The following SPARCL1 variants were observed in gnomAD, a reference collection of about 807,000 sequenced individuals.
SPARCL1 encodes the protein SPARC like 1.
Under a neutral mutation model 67.1 loss-of-function variants are expected in SPARCL1, and 52 were observed. That is an observed-to-expected ratio of 0.78 (90% CI 0.62 to 0.98). The LOEUF (loss-of-function observed/expected upper bound fraction) is 0.98, where lower values mean the gene tolerates loss of function less well. SPARCL1 is among the 50% of genes least tolerant of loss of function. The pLI, the probability that SPARCL1 is intolerant of heterozygous loss-of-function variation, is 0.00. For missense variants in SPARCL1, 717 were observed against 782.4 expected, an observed-to-expected ratio of 0.92 and a Z score of 1.00; for synonymous variants, 226 against 267.8, an observed-to-expected ratio of 0.84 and a Z score of 1.52.
At position 87,490,759 on chromosome 4, in the gene SPARCL1, C is replaced by T. The variant is rs1690468417; in HGVS notation, c.1410+1G>A. 7 of 1,582,344 alleles carry T rather than the reference C, an allele frequency of 4.4e-6. No individual in the cohort carries two copies. The highest frequency in any genetic ancestry group is 1.8e-5 in the Admixed American group (1 of 56,926). ...TAAAGACTATTTTGCAGAATACTTA[C>T]TTGATCAAGGGGTTTTGTTGGAGGA... is the stretch of plus-strand genomic sequence containing the variant. On this transcript the variant is annotated splice_donor_variant, in intron 6 of 10. Coordinates refer to ENST00000282470, the MANE Select transcript of SPARCL1 (RefSeq NM_004684.6). LOFTEE classifies it high-confidence loss of function.
At chr4:87,487,642 C>T (rs980847406) in intron 7 of SPARCL1, among the ~76,000 whole-genome samples, 9 of 152,198 alleles carry the variant, frequency 5.9e-5, no homozygotes, top group Non-Finnish European at 1.3e-4. Flanking sequence ...GTTGGTCTGT[C>T]TTGCTAGGTT....
chr4:87,526,104 T>C (rs1053761541), intron 1 of SPARCL1, among the ~76,000 whole-genome samples: 14 of 152,168 alleles, frequency 9.2e-5, no homozygotes, highest in African/African-American at 2.9e-4. Flanking sequence ...TAAAACAGAA[T>C]TGACAGCAAA....
intron 7 of SPARCL1, among the ~76,000 whole-genome samples, chr4:87,485,020 A>C (rs1398748028): frequency 6.6e-6 from 1 of 151,908 alleles, no homozygotes; most frequent in African/African-American, 2.4e-5. Flanking sequence ...AACAGGGACA[A>C]TTTGACTTCC....
intron 1 of SPARCL1, among the ~76,000 whole-genome samples, chr4:87,519,367 C>T (rs1343708089): frequency 6.6e-6 from 1 of 152,010 alleles, no homozygotes; most frequent in African/African-American, 2.4e-5. Context: ...CCATTGTGTC[C>T]GGCCTGGGTC....
At position 87,490,894 on chromosome 4, in the gene SPARCL1, G is replaced by A; in HGVS notation, c.1292-16C>T. On this transcript the variant is annotated splice_polypyrimidine_tract_variant and intron_variant, in intron 5 of 10. Transcript: ENST00000282470. ...ATGCAAGAATCTAACAGAAAAGATT[G>A]GGCAGGAAGCATGGACAAAGTTAAA... The A allele has an allele frequency of 2.1e-6, 3 of 1,435,364 alleles. No homozygotes were observed. Among genetic ancestry groups the A allele is most frequent in the Non-Finnish European group, 2.9e-6 (3 of 1,039,812 alleles). 88.9% of individuals were successfully genotyped at this position (1,435,364 alleles called of 1,614,324 possible).
Position 87,491,616 on chromosome 4 carries a change from ACC to A in SPARCL1, c.1291_1291+1del. On this transcript the variant is annotated splice_donor_variant and coding_sequence_variant, in exon 5 of 11. Transcript: ENST00000282470. LOFTEE classifies it high-confidence loss of function. ...CAAACAGCTTGCTTCATGCATACTC[ACC>A]CACAGCATGCACCCTCATGTTGCCT... 4 of 1,607,864 alleles carry A rather than the reference ACC, an allele frequency of 2.5e-6. No homozygotes were observed. Among genetic ancestry groups the A allele is most frequent in the Non-Finnish European group, 3.4e-6 (4 of 1,174,504 alleles).
At chr4:87,506,161 T>C (rs1044624358) in intron 1 of SPARCL1, among the ~76,000 whole-genome samples, 8 of 152,154 alleles carry the variant, frequency 5.3e-5, no homozygotes, top group African/African-American at 1.9e-4. Flanking sequence ...GAACCATTGG[T>C]TTAGCGGAAG....
intron 1 of SPARCL1, among the ~76,000 whole-genome samples, chr4:87,507,155 A>G (rs571016535): frequency 6.6e-6 from 1 of 152,312 alleles, no homozygotes; most frequent in Non-Finnish European, 1.5e-5. Flanking sequence ...TATTTCCGAC[A>G]TTCATCACAC....
At chr4:87,501,721 A>G (rs1433771849) in intron 1 of SPARCL1, among the ~76,000 whole-genome samples, 1 of 152,100 alleles carries the variant, frequency 6.6e-6, no homozygotes, top group Non-Finnish European at 1.5e-5. Flanking sequence ...CATTTAGTTT[A>G]GGAACTCATT....
At chr4:87,476,313 A>T (rs543137265) in intron 10 of SPARCL1, among the ~76,000 whole-genome samples, 1 of 152,202 alleles carries the variant, frequency 6.6e-6, no homozygotes, top group South Asian at 2.1e-4. Flanking sequence ...CACATGCTAT[A>T]TATTTGAGTA....
At chr4:87,523,274 AT>A (rs1368287592) in intron 1 of SPARCL1, among the ~76,000 whole-genome samples, 3 of 151,384 alleles carry the variant, frequency 2.0e-5, no homozygotes, top group South Asian at 2.1e-4. Context: ...AAAAAAAAAA[AT>A]CTCAAGCAAT....
intron 2 of SPARCL1, among the ~76,000 whole-genome samples, chr4:87,496,079 G>C (rs1299073114): frequency 6.6e-6 from 1 of 152,160 alleles, no homozygotes; most frequent in Non-Finnish European, 1.5e-5. Flanking sequence ...GAGCTGGGCA[G>C]TGATGCATGA....
At chr4:87,488,711 C>T (rs1315996217) in intron 7 of SPARCL1, among the ~76,000 whole-genome samples, 1 of 152,196 alleles carries the variant, frequency 6.6e-6, no homozygotes, top group African/African-American at 2.4e-5. Flanking sequence ...CCCAGGTGCT[C>T]TGTCCCAAGG....
At chr4:87,508,391 G>T (rs529472799) in intron 1 of SPARCL1, among the ~76,000 whole-genome samples, 6 of 151,874 alleles carry the variant, frequency 4.0e-5, no homozygotes, top group Non-Finnish European at 5.9e-5. Context: ...GTAGAGACAG[G>T]ATCTTCCTAT....
Position 87,490,264 on chromosome 4 carries a change from T to C in SPARCL1, c.1531+9A>G, listed in dbSNP as rs1295657748. ...GAGATGATGGTTGACAGGAGGGACA[T>C]AATCTTACATTTGCAGGCTCCAAAA... On this transcript the variant is annotated intron_variant, in intron 7 of 10. Transcript: ENST00000282470. 1.0e-5 allele frequency: 16 copies of C among 1,606,188 alleles called. No homozygotes were observed. The highest frequency in any genetic ancestry group is 1.4e-5 in the Non-Finnish European group (16 of 1,176,958).
chr4:87,498,135 G>A (rs1016348041), intron 2 of SPARCL1, among the ~76,000 whole-genome samples: 7 of 152,130 alleles, frequency 4.6e-5, no homozygotes, highest in Admixed American at 6.5e-5. Flanking sequence ...AGAAAACAAC[G>A]GTTTTGTGGG....
At chr4:87,521,519 C>A (rs758992257) in intron 1 of SPARCL1, among the ~76,000 whole-genome samples, 2 of 152,170 alleles carry the variant, frequency 1.3e-5, no homozygotes, top group Non-Finnish European at 1.5e-5. Flanking sequence ...GCCTAGCATT[C>A]CCCTGGTTTC....
chr4:87,518,978 C>T lies in SPARCL1; in HGVS notation c.-12+10067G>A, dbSNP rs780498213. 2.2e-4 allele frequency among the ~76,000 whole-genome samples: 33 copies of T among 152,064 alleles called. 1 individual carries two copies. The highest frequency in any genetic ancestry group is 4.6e-4 in the Admixed American group (7 of 15,274). On this transcript the variant is annotated intron_variant, in intron 1 of 10. Coordinates refer to ENST00000282470, the MANE Select transcript of SPARCL1 (RefSeq NM_004684.6). ...GACAGCATGAACATCTGACCAAACACGTCATGAAACCATTTACATGTTTTA... is the reference window on the plus strand; with the variant it reads ...GACAGCATGAACATCTGACCAAACATGTCATGAAACCATTTACATGTTTTA...
intron 10 of SPARCL1, among the ~76,000 whole-genome samples, chr4:87,474,071 G>C (rs1235195942): frequency 6.6e-6 from 1 of 152,204 alleles, no homozygotes; most frequent in Non-Finnish European, 1.5e-5. Context: ...TGGCTGCAGG[G>C]TTGAGAACCA....
Sources: gnomAD v4.1 joint callset for allele counts (sites outside exome capture counted in the v4.1 genomes callset) on GRCh38, gnomAD v4.1.1 for gene constraint, MANE v1.5 for transcripts, NCBI Gene and HGNC (gene_info 2026-07-23, HGNC 2026-07-21) for gene names.